Variants in CMYA5 observed in about 807,000 individuals in gnomAD.
The protein encoded by CMYA5 is cardiomyopathy associated 5.
A neutral mutation model predicts 318.9 loss-of-function variants in CMYA5; 246 were observed. The observed-to-expected ratio is 0.77, with a 90% confidence interval of 0.70 to 0.86. CMYA5 has a LOEUF of 0.86. Among genes scored for constraint, CMYA5 ranks in the 40% least tolerant of loss-of-function variants. The pLI is 0.00. For synonymous variants in CMYA5, 1,641 were observed against 1,729.5 expected (o/e 0.95, Z 1.27); for missense variants, 4,589 against 4,678.2 (o/e 0.98, Z 0.56).
At chr5:79,721,378 A>G (rs894227583) in intron 1 of CMYA5, among the ~76,000 whole-genome samples, 1 of 152,110 alleles carries the variant, frequency 6.6e-6, no homozygotes, top group African/African-American at 2.4e-5. Flanking sequence ...GGAATATAGA[A>G]TAGGTAGGAC....
In CMYA5 at chr5:79,769,919, A is replaced by C. The variant is rs141493116; in HGVS notation, c.11555+6710A>C. Among the ~76,000 whole-genome samples, 28 of 152,244 alleles carry C rather than the reference A, an allele frequency of 1.8e-4. 1 individual carries two copies. In the East Asian group the frequency reaches 5.4e-3, roughly 30 times the overall value. On this transcript the variant is annotated intron_variant, in intron 9 of 12. Transcript: ENST00000446378. The stretch of plus-strand genomic sequence containing the variant: ...GTGTCCACAACTGCCCCTTCCCCCA[A>C]GTGCTCTGTTCCAGGTAGATGGGAG...
At chr5:79,756,492 ATACTAT>A (rs2151093478) in intron 6 of CMYA5, among the ~76,000 whole-genome samples, 1 of 152,278 alleles carries the variant, frequency 6.6e-6, no homozygotes, top group African/African-American at 2.4e-5. Flanking sequence ...CTGGGAGGTA[ATACTAT>A]TATTATTGTT....
rs751513243 is a variant in CMYA5, at chr5:79,735,393, G to A, written c.6628G>A (p.Val2210Ile). The A allele has an allele frequency of 5.6e-6, 9 of 1,613,826 alleles. No individual in the cohort carries two copies. The highest frequency in any genetic ancestry group is 1.1e-5 in the South Asian group (1 of 91,044). The change falls in exon 2 of 13, where the codon GTA becomes ATA. Residue 2210 changes from valine (V) to isoleucine (I), a missense_variant. Physicochemically the swap from Val to Ile is conservative, Grantham distance 29. Coordinates refer to ENST00000446378, the MANE Select transcript of CMYA5 (RefSeq NM_153610.5). Reference sequence around the variant, plus strand: ...CTTAGAAACACAGCCAAGTCCATCCGTAGAAAAAGCAGTGACTGTGATAGA... The same window carrying A: ...CTTAGAAACACAGCCAAGTCCATCCATAGAAAAAGCAGTGACTGTGATAGA... ...EDLETQPSPS[V>I]EKAVTVIDPE...
chr5:79,749,889 G>A (rs1174571398), intron 5 of CMYA5, among the ~76,000 whole-genome samples: 1 of 152,196 alleles, frequency 6.6e-6, no homozygotes, highest in East Asian at 1.9e-4. Flanking sequence ...GTTGTGATGA[G>A]CTCAAGTGTT....
chr5:79,719,159 T>A (rs542324242), intron 1 of CMYA5, among the ~76,000 whole-genome samples: 2 of 152,172 alleles, frequency 1.3e-5, no homozygotes, highest in Non-Finnish European at 2.9e-5. Context: ...GATGAAGAAA[T>A]GTGGGAAACT....
chr5:79,777,205 T>A (rs1477023525), intron 9 of CMYA5, among the ~76,000 whole-genome samples: 1 of 152,174 alleles, frequency 6.6e-6, no homozygotes, highest in African/African-American at 2.4e-5. Context: ...AATATGTATT[T>A]ATGGTACAAA....
rs1433633591 is a variant in CMYA5, at chr5:79,734,572, A to G, written c.5807A>G (p.Lys1936Arg). The change falls in exon 2 of 13, where the codon AAG becomes AGG. Residue 1936 changes from lysine (K) to arginine (R), a missense_variant. Physicochemically the swap from Lys to Arg is conservative, Grantham distance 26 (BLOSUM62 2). This residue lies in a region of CMYA5 where 2,431 missense variants were observed against 2,495.1 expected (regional missense o/e 0.97). Coordinates refer to ENST00000446378, the MANE Select transcript of CMYA5 (RefSeq NM_153610.5). ...CAGCTCAAGGCTGCTGTGTCCAGTA[A>G]GGACCATACATGTGAAGTGAGAAAG... ...PGQLKAAVSS[K>R]DHTCEVRKQV... 6.2e-7 allele frequency: 1 copy of G among 1,613,792 alleles called. No individual in the cohort carries two copies. The highest frequency in any genetic ancestry group is 8.5e-7 in the Non-Finnish European group (1 of 1,179,846).
Position 79,733,460 on chromosome 5 carries a change from A to G in CMYA5, c.4695A>G (p.Glu1565=). Residue 1565 remains glutamate, a synonymous_variant, in exon 2 of 13, where the codon GAA becomes GAG. Transcript: ENST00000446378. ...TAATCCCAAAAGGCAAAGATGAGGA[A>G]ACAGCAAGTTCATCTCCTGAGTTGG... ...KHIIPKGKDE[E]TASSSPELEN... is the part of the protein sequence containing the mutation. The G allele has an allele frequency of 6.2e-7, 1 of 1,613,924 alleles. No homozygotes were observed. The highest frequency in any genetic ancestry group is 8.5e-7 in the Non-Finnish European group (1 of 1,179,838).
At chr5:79,703,017 C>T (rs1047318459) in intron 1 of CMYA5, among the ~76,000 whole-genome samples, 2 of 152,196 alleles carry the variant, frequency 1.3e-5, no homozygotes, top group African/African-American at 4.8e-5. Flanking sequence ...GCTGTCAGCT[C>T]TGTCTCCCCA....
chr5:79,709,111 C>T (rs1044992926), intron 1 of CMYA5, among the ~76,000 whole-genome samples: 5 of 152,130 alleles, frequency 3.3e-5, no homozygotes, highest in Non-Finnish European at 7.4e-5. Flanking sequence ...AGGCAGGGCT[C>T]ACATGGTACC....
intron 1 of CMYA5, among the ~76,000 whole-genome samples, chr5:79,692,824 C>T (rs1397654728): frequency 6.6e-6 from 1 of 152,222 alleles, no homozygotes; most frequent in African/African-American, 2.4e-5. Flanking sequence ...GAGATGGTCT[C>T]AGCTTTCAGT....
At position 79,733,415 on chromosome 5, in the gene CMYA5, G is replaced by A. The variant is rs1421042336; in HGVS notation, c.4650G>A (p.Val1550=). The A allele has an allele frequency of 6.2e-7, 1 of 1,613,666 alleles. No homozygotes were observed. Among genetic ancestry groups the A allele is most frequent in the Admixed American group, 1.7e-5 (1 of 59,988 alleles). Residue 1550 remains valine (V), a synonymous_variant, in exon 2 of 13, where the codon GTG becomes GTA. Transcript: ENST00000446378. Reference sequence around the variant, plus strand: ...CTGAACTTCCTTCATCACAAAATGTGTCACCTGCATCCAAACATATAATCC... The same window carrying A: ...CTGAACTTCCTTCATCACAAAATGTATCACCTGCATCCAAACATATAATCC... ...KETELPSSQN[V]SPASKHIIPK...
intron 1 of CMYA5, among the ~76,000 whole-genome samples, chr5:79,701,373 G>A (rs1020591934): frequency 6.6e-6 from 1 of 152,084 alleles, no homozygotes; most frequent in Non-Finnish European, 1.5e-5. Flanking sequence ...AATGTTCCTA[G>A]GGTAAAGAAA....
chr5:79,768,794 G>A (rs1204460556), intron 9 of CMYA5, among the ~76,000 whole-genome samples: 1 of 152,160 alleles, frequency 6.6e-6, no homozygotes, highest in African/African-American at 2.4e-5. Context: ...TTCTCAAGGA[G>A]TATCTTTGTG....
In CMYA5 at chr5:79,734,500, G is replaced by A. The variant is rs1339697814; in HGVS notation, c.5735G>A (p.Gly1912Glu). The change falls in exon 2 of 13, where the codon GGA becomes GAA. Residue 1912 changes from glycine to glutamate, a missense_variant. Gly to Glu is a moderately conservative substitution (Grantham distance 98). Transcript: ENST00000446378. Reference sequence around the variant, plus strand: ...AGTCAACACGAACAGAGAATAGCAGGATCTGTGCAGCTGGATTCCTCTAGC... The same window carrying A: ...AGTCAACACGAACAGAGAATAGCAGAATCTGTGCAGCTGGATTCCTCTAGC... ...VASQHEQRIAGSVQLDSSSSN... is the reference protein window; with the variant it reads ...VASQHEQRIAESVQLDSSSSN... 4 of 1,613,726 alleles carry A rather than the reference G, an allele frequency of 2.5e-6. No homozygotes were observed. Among genetic ancestry groups the A allele is most frequent in the Admixed American group, 1.7e-5 (1 of 59,976 alleles).
In CMYA5 at chr5:79,791,058, A is replaced by T; in HGVS notation, c.11778A>T (p.Arg3926Ser). The T allele has an allele frequency of 6.2e-7, 1 of 1,612,560 alleles. No individual in the cohort carries two copies. Among genetic ancestry groups the T allele is most frequent in the Non-Finnish European group, 8.5e-7 (1 of 1,178,808 alleles). ...SGTVISFGER[R>S]RLTEIPSVLG... Reference sequence around the variant, plus strand: ...CAGTGATCAGCTTTGGTGAGAGGAGACGGCTGACGGAGTAAGTAGAAGAAG... The same window carrying T: ...CAGTGATCAGCTTTGGTGAGAGGAGTCGGCTGACGGAGTAAGTAGAAGAAG... The change falls in exon 11 of 13, where the codon AGA becomes AGT. Residue 3926 changes from arginine (R) to serine (S), a missense_variant. Physicochemically the swap from Arg to Ser is moderately radical, Grantham distance 110. Transcript: ENST00000446378.
chr5:79,796,364 T>C (rs1227537535), intron 12 of CMYA5, among the ~76,000 whole-genome samples: 1 of 152,134 alleles, frequency 6.6e-6, no homozygotes, highest in East Asian at 1.9e-4. Flanking sequence ...TGAGTACCTG[T>C]CCTGTGCCAG....
chr5:79,716,857 G>A (rs1827528659), intron 1 of CMYA5, among the ~76,000 whole-genome samples: 1 of 152,170 alleles, frequency 6.6e-6, no homozygotes, highest in South Asian at 2.1e-4. Flanking sequence ...ATAAGGCAAC[G>A]TTAATTTATA....
Position 79,733,820 on chromosome 5 carries a change from T to C in CMYA5, c.5055T>C (p.Asn1685=), listed in dbSNP as rs1045885031. The C allele has an allele frequency of 1.1e-5, 17 of 1,613,434 alleles. No individual in the cohort carries two copies. Among genetic ancestry groups the C allele is most frequent in the Non-Finnish European group, 1.4e-5 (17 of 1,179,794 alleles). The part of the protein sequence containing the change: ...ELRSREGKEE[N]RELCASSTMP... ...GGAGCAGAGAAGGAAAAGAAGAAAATAGAGAGCTTTGTGCATCTTCTACGA... is the reference window on the plus strand; with the variant it reads ...GGAGCAGAGAAGGAAAAGAAGAAAACAGAGAGCTTTGTGCATCTTCTACGA... Residue 1685 remains asparagine (N), a synonymous_variant, in exon 2 of 13, where the codon AAT becomes AAC. Coordinates refer to ENST00000446378, the MANE Select transcript of CMYA5 (RefSeq NM_153610.5).
Sources: allele counts gnomAD v4.1 joint callset (sites outside exome capture counted in the v4.1 genomes callset), GRCh38; gene constraint gnomAD v4.1.1; regional missense constraint gnomAD v4.1.1; transcripts MANE v1.5; gene names NCBI Gene and HGNC (gene_info 2026-07-23, HGNC 2026-07-21).